Variants in PTPRD observed in about 807,000 individuals in gnomAD.
PTPRD encodes receptor-type tyrosine-protein phosphatase delta.
A neutral mutation model predicts 214.5 loss-of-function variants in PTPRD; 34 were observed. That is an observed-to-expected ratio of 0.16 (90% confidence interval 0.12 to 0.21). PTPRD has a LOEUF of 0.21. Ranked by LOEUF, PTPRD falls within the 10% of genes least tolerant of loss-of-function variation. PTPRD has a pLI of 1.00. For synonymous variants in PTPRD, 1,128 were observed against 845.7 expected, an observed-to-expected ratio of 1.33 and a Z score of -5.79; for missense variants, 2,545 against 2,398.7, an observed-to-expected ratio of 1.06 and a Z score of -1.27.
At chr9:9,806,012 A>G (rs1022106680) in intron 5 of PTPRD, among the ~76,000 whole-genome samples, 35 of 152,194 alleles carry the variant, frequency 2.3e-4, no homozygotes, top group Non-Finnish European at 4.3e-4. Context: ...CTAACCCTCA[A>G]GTGGTTTACC....
At chr9:8,909,167 C>A (rs1305231856) in intron 11 of PTPRD, among the ~76,000 whole-genome samples, 2 of 151,842 alleles carry the variant, frequency 1.3e-5, no homozygotes, top group East Asian at 3.9e-4. Flanking sequence ...AGCCCAAGAT[C>A]ACATTGTTTC....
intron 8 of PTPRD, among the ~76,000 whole-genome samples, chr9:9,399,070 C>T (rs1263553554): frequency 7.1e-6 from 1 of 140,330 alleles, no homozygotes; most frequent in African/African-American, 2.6e-5. Context: ...TGTAGTTACT[C>T]GTATTAAGGT....
In PTPRD at chr9:8,865,145, A is replaced by T. The variant is rs559691404; in HGVS notation, c.-103-131199T>A. On this transcript the variant is annotated intron_variant, in intron 11 of 45. Transcript: ENST00000381196. ...GTTATCACTTTTTAAAAATAAATCTATCATTCTTTCTTTAATCATAATACA... is the reference window on the plus strand; with the variant it reads ...GTTATCACTTTTTAAAAATAAATCTTTCATTCTTTCTTTAATCATAATACA... Among the ~76,000 whole-genome samples the T allele has an allele frequency of 5.3e-3, 555 of 104,314 alleles. 1 individual carries two copies. Among genetic ancestry groups the T allele is most frequent in the African/African-American group, 0.017 (533 of 30,542 alleles). 68.4% of individuals were successfully genotyped at this position (104,314 alleles called of 152,430 possible).
At chr9:9,030,146 G>C (rs941187613) in intron 10 of PTPRD, among the ~76,000 whole-genome samples, 3 of 151,800 alleles carry the variant, frequency 2.0e-5, no homozygotes, top group Non-Finnish European at 4.4e-5. Flanking sequence ...AAAGGATGTA[G>C]ATGACATTTT....
intron 10 of PTPRD, among the ~76,000 whole-genome samples, chr9:9,044,291 CTTTG>C (rs1477517310): frequency 1.3e-5 from 2 of 152,176 alleles, no homozygotes; most frequent in African/African-American, 4.8e-5. Context: ...CTTCTCTGAG[CTTTG>C]TTTGTTTCAA....
At chr9:9,925,944 T>G (rs915388334) in intron 5 of PTPRD, among the ~76,000 whole-genome samples, 29 of 152,110 alleles carry the variant, frequency 1.9e-4, no homozygotes, top group Admixed American at 1.9e-3. Flanking sequence ...TCCTCCCACC[T>G]CAGCCTCCTA....
chr9:9,223,501 C>T (rs1329290626), intron 9 of PTPRD, among the ~76,000 whole-genome samples: 1 of 151,950 alleles, frequency 6.6e-6, no homozygotes, highest in Non-Finnish European at 1.5e-5. Context: ...CTCTCTAAGT[C>T]TTGGCAATTT....
chr9:9,312,576 G>A (rs149576774), intron 9 of PTPRD, among the ~76,000 whole-genome samples: 1 of 152,224 alleles, frequency 6.6e-6, no homozygotes, highest in African/African-American at 2.4e-5. Flanking sequence ...TGCATGTTAG[G>A]TGAATTGGTG....
At chr9:8,356,445 C>G (rs2077017640) in intron 39 of PTPRD, among the ~76,000 whole-genome samples, 1 of 152,156 alleles carries the variant, frequency 6.6e-6, no homozygotes, top group Non-Finnish European at 1.5e-5. Flanking sequence ...AAAATACACA[C>G]TGTTCAAAGG....
chr9:8,708,505 C>A (rs1471736181), intron 12 of PTPRD, among the ~76,000 whole-genome samples: 1 of 151,424 alleles, frequency 6.6e-6, no homozygotes, highest in Non-Finnish European at 1.5e-5. Flanking sequence ...GAAACCCCGT[C>A]TCTACCAAAA....
chr9:8,721,941 T>C (rs1378521455), intron 12 of PTPRD, among the ~76,000 whole-genome samples: 4 of 152,224 alleles, frequency 2.6e-5, no homozygotes, highest in Non-Finnish European at 5.9e-5. Flanking sequence ...ACAAGCAACA[T>C]CAGTGGTTCT....
At chr9:10,434,252 A>G (rs1477218480) in intron 2 of PTPRD, among the ~76,000 whole-genome samples, 1 of 151,866 alleles carries the variant, frequency 6.6e-6, no homozygotes, top group East Asian at 1.9e-4. Flanking sequence ...AAGGTACCAA[A>G]TAAGACCTAT....
intron 43 of PTPRD, among the ~76,000 whole-genome samples, chr9:8,338,288 A>ATCTT (rs994294733): frequency 6.6e-6 from 1 of 152,080 alleles, no homozygotes; most frequent in African/African-American, 2.4e-5. Flanking sequence ...TGCATAGAAC[A>ATCTT]TCTTACATCA....
At chr9:9,363,486 G>T (rs1259024768) in intron 9 of PTPRD, among the ~76,000 whole-genome samples, 1 of 151,258 alleles carries the variant, frequency 6.6e-6, no homozygotes, top group South Asian at 2.1e-4. Flanking sequence ...ATTTTTAAAG[G>T]TTAGGAAAAA....
intron 11 of PTPRD, among the ~76,000 whole-genome samples, chr9:8,853,387 T>C (rs979591087): frequency 2.0e-5 from 3 of 152,164 alleles, no homozygotes; most frequent in African/African-American, 2.4e-5. Context: ...AAGGGCTTAA[T>C]TGTGGAGAGT....
chr9:9,366,081 T>C (rs1426351907), intron 9 of PTPRD, among the ~76,000 whole-genome samples: 1 of 151,448 alleles, frequency 6.6e-6, no homozygotes, highest in Non-Finnish European at 1.5e-5. Context: ...AATAAGTCTA[T>C]TGCATGAGAA....
At chr9:8,646,658 C>T (rs1037155389) in intron 12 of PTPRD, among the ~76,000 whole-genome samples, 21 of 152,288 alleles carry the variant, frequency 1.4e-4, no homozygotes, top group African/African-American at 4.8e-5. Context: ...ACCATCCTTT[C>T]GACTCCCCTA....
chr9:9,869,789 A>G (rs1221890597), intron 5 of PTPRD, among the ~76,000 whole-genome samples: 2 of 151,980 alleles, frequency 1.3e-5, no homozygotes, highest in Non-Finnish European at 2.9e-5. Flanking sequence ...ATTAAAAAAA[A>G]TACAGAGGAA....
At chr9:10,211,084 A>C (rs2099514961) in intron 3 of PTPRD, among the ~76,000 whole-genome samples, 1 of 151,938 alleles carries the variant, frequency 6.6e-6, no homozygotes, top group Non-Finnish European at 1.5e-5. Flanking sequence ...AATATTTAAT[A>C]TATCTTGGGA....
Sources: gnomAD v4.1 joint callset for allele counts (sites outside exome capture counted in the v4.1 genomes callset) on GRCh38, gnomAD v4.1.1 for gene constraint, MANE v1.5 for transcripts, NCBI Gene and HGNC (gene_info 2026-07-23, HGNC 2026-07-21) for gene names.